Variants in LRMDA observed in about 807,000 individuals in gnomAD.
LRMDA encodes the protein leucine-rich melanocyte differentiation-associated protein.
Under a neutral mutation model 29.8 loss-of-function variants are expected in LRMDA, and 18 were observed. The observed-to-expected ratio is 0.60, with a 90% confidence interval of 0.42 to 0.90. The LOEUF (loss-of-function observed/expected upper bound fraction) is 0.90. Among genes scored for constraint, LRMDA ranks in the 40% least tolerant of loss-of-function variants. The pLI, the probability that LRMDA is intolerant of heterozygous loss-of-function variation, is 0.00. For missense variants in LRMDA, 273 were observed against 273.9 expected (o/e 1.00, Z 0.02); for synonymous variants, 125 against 109.4 (o/e 1.14, Z -0.89).
chr10:76,441,646 G>A (rs911515167), intron 6 of LRMDA, among the ~76,000 whole-genome samples: 2 of 152,122 alleles, frequency 1.3e-5, no homozygotes, highest in African/African-American at 2.4e-5. Context: ...AGGGGGAGTG[G>A]CAGCCTTTCC....
intron 2 of LRMDA, among the ~76,000 whole-genome samples, chr10:75,758,084 G>A (rs1157187639): frequency 6.6e-6 from 1 of 152,250 alleles, no homozygotes; most frequent in Non-Finnish European, 1.5e-5. Context: ...ACAGGCATGA[G>A]CCACCACGCC....
chr10:75,513,836 G>A (rs1845256801), intron 2 of LRMDA, among the ~76,000 whole-genome samples: 1 of 152,076 alleles, frequency 6.6e-6, no homozygotes, highest in Admixed American at 6.5e-5. Flanking sequence ...CAAAATCCTA[G>A]TTTAATCACC....
At chr10:76,222,830 G>A (rs1273508225) in intron 5 of LRMDA, among the ~76,000 whole-genome samples, 8 of 151,882 alleles carry the variant, frequency 5.3e-5, no homozygotes, top group East Asian at 1.9e-4. Context: ...TGTTTATTGC[G>A]GCACTATTCA....
intron 2 of LRMDA, among the ~76,000 whole-genome samples, chr10:75,668,758 T>C (rs530417840): frequency 2.0e-4 from 30 of 152,308 alleles, no homozygotes; most frequent in Non-Finnish European, 4.0e-4. Context: ...ACAGGTTACC[T>C]CAACTTTCTT....
Position 75,758,906 on chromosome 10 carries a change from A to T in LRMDA, c.132-277102A>T, listed in dbSNP as rs541947629. Among the ~76,000 whole-genome samples the T allele has an allele frequency of 2.1e-3, 320 of 152,082 alleles. 4 individuals carry two copies. Among genetic ancestry groups the T allele is most frequent in the East Asian group, 7.2e-3 (37 of 5,172 alleles). On this transcript the variant is annotated intron_variant, in intron 2 of 6. Coordinates refer to ENST00000611255, the MANE Select transcript of LRMDA (RefSeq NM_001305581.2). ...GGACTCTATTGAATTAAGATTAAAC[A>T]AATTGCCAGGGGTGGGACATAGAAC...
chr10:76,327,306 T>TG (rs781621861), intron 6 of LRMDA, among the ~76,000 whole-genome samples: 36 of 152,270 alleles, frequency 2.4e-4, no homozygotes, highest in Non-Finnish European at 4.9e-4. Flanking sequence ...TTGACCAGGC[T>TG]GGTCTCGAAC....
chr10:76,493,192 C>T (rs1842850502), intron 6 of LRMDA, among the ~76,000 whole-genome samples: 1 of 152,038 alleles, frequency 6.6e-6, no homozygotes, highest in Non-Finnish European at 1.5e-5. Context: ...TTTATTGCAC[C>T]TAAGCTGGCA....
chr10:76,460,933 G>A (rs1002830119), intron 6 of LRMDA, among the ~76,000 whole-genome samples: 2 of 152,040 alleles, frequency 1.3e-5, no homozygotes, highest in Non-Finnish European at 2.9e-5. Context: ...TCACATCCTG[G>A]CTCTGATGTT....
chr10:75,679,428 A>G (rs1181244875), intron 2 of LRMDA, among the ~76,000 whole-genome samples: 1 of 152,166 alleles, frequency 6.6e-6, no homozygotes, highest in African/African-American at 2.4e-5. Context: ...AGAGCTCATT[A>G]GTGGCAGATC....
intron 5 of LRMDA, among the ~76,000 whole-genome samples, chr10:76,321,543 TTTA>T (rs1840771325): frequency 6.9e-6 from 1 of 144,502 alleles, no homozygotes; most frequent in South Asian, 2.2e-4. Flanking sequence ...TTTTTTTTTT[TTTA>T]AATTTGGATA....
intron 5 of LRMDA, among the ~76,000 whole-genome samples, chr10:76,215,180 A>G (rs1851707369): frequency 6.6e-6 from 1 of 152,128 alleles, no homozygotes; most frequent in Non-Finnish European, 1.5e-5. Context: ...TCAGTTTGCT[A>G]TTTTACACAT....
chr10:76,029,385 A>G (rs1359285068), intron 2 of LRMDA, among the ~76,000 whole-genome samples: 1 of 152,254 alleles, frequency 6.6e-6, no homozygotes, highest in Non-Finnish European at 1.5e-5. Flanking sequence ...GTTAGAAAGC[A>G]GGTATGGATA....
intron 2 of LRMDA, among the ~76,000 whole-genome samples, chr10:75,575,222 A>G (rs1369308431): frequency 2.0e-5 from 3 of 152,204 alleles, no homozygotes; most frequent in Non-Finnish European, 4.4e-5. Flanking sequence ...TTCATGAGAT[A>G]TTGGGTGGGG....
At chr10:76,548,705 C>T (rs958759876) in intron 6 of LRMDA, among the ~76,000 whole-genome samples, 1 of 152,164 alleles carries the variant, frequency 6.6e-6, no homozygotes, top group Admixed American at 6.5e-5. Context: ...GAGAATCTTT[C>T]TGTCAGTTGG....
intron 2 of LRMDA, among the ~76,000 whole-genome samples, chr10:75,660,999 C>T (rs992613570): frequency 1.3e-5 from 2 of 152,140 alleles, no homozygotes; most frequent in African/African-American, 4.8e-5. Flanking sequence ...CAATCAACGC[C>T]AGCGGGACAG....
intron 2 of LRMDA, among the ~76,000 whole-genome samples, chr10:75,862,643 G>A (rs544652294): frequency 1.3e-4 from 20 of 152,158 alleles, no homozygotes; most frequent in Non-Finnish European, 2.8e-4. Context: ...AGTATTTATG[G>A]GATTTATCCA....
chr10:76,064,798 G>A (rs537505274), intron 5 of LRMDA, among the ~76,000 whole-genome samples: 53 of 152,288 alleles, frequency 3.5e-4, no homozygotes, highest in African/African-American at 1.3e-3. Flanking sequence ...AGTACATTCA[G>A]TTCAACAGAC....
At chr10:76,181,388 C>G (rs1396906159) in intron 5 of LRMDA, among the ~76,000 whole-genome samples, 1 of 152,212 alleles carries the variant, frequency 6.6e-6, no homozygotes, top group Non-Finnish European at 1.5e-5. Context: ...CCAATTTCCT[C>G]CTGAAGGTAC....
At chr10:76,381,868 C>A (rs1362028200) in intron 6 of LRMDA, among the ~76,000 whole-genome samples, 1 of 152,140 alleles carries the variant, frequency 6.6e-6, no homozygotes, top group African/African-American at 2.4e-5. Context: ...TTATTCTTCC[C>A]TTGTATCCAC....
Sources: gnomAD v4.1 joint callset for allele counts (sites outside exome capture counted in the v4.1 genomes callset) on GRCh38, gnomAD v4.1.1 for gene constraint, MANE v1.5 for transcripts, NCBI Gene and HGNC (gene_info 2026-07-23, HGNC 2026-07-21) for gene names.